Variants in FAM227A observed in about 807,000 individuals in gnomAD.
FAM227A encodes the protein protein FAM227A.
In FAM227A, 80 loss-of-function variants were observed where a neutral mutation model predicts 74.7. That is an observed-to-expected ratio of 1.07 (90% CI 0.89 to 1.29). The LOEUF (loss-of-function observed/expected upper bound fraction) is 1.29. Among genes scored for constraint, FAM227A ranks in the 50% most tolerant of loss-of-function variants. The pLI is 0.00. For missense variants in FAM227A, 654 were observed against 683.4 expected (o/e 0.96, Z 0.48); for synonymous variants, 237 against 241.8 (o/e 0.98, Z 0.19).
intron 10 of FAM227A, among the ~76,000 whole-genome samples, chr22:38,620,822 A>T (rs1435075856): frequency 6.6e-6 from 1 of 151,692 alleles, no homozygotes; most frequent in Non-Finnish European, 1.5e-5. Flanking sequence ...AAAAAAAAGA[A>T]AAAAAAAGTA....
chr22:38,617,125 C>A (rs569501324), intron 11 of FAM227A, among the ~76,000 whole-genome samples: 1 of 152,022 alleles, frequency 6.6e-6, no homozygotes, highest in Admixed American at 6.6e-5. Context: ...TGCGGCCAGG[C>A]AGCACTGAGT....
Position 38,636,589 on chromosome 22 carries a change from T to C in FAM227A, c.381A>G (p.Ala127=). The C allele has an allele frequency of 6.4e-7, 1 of 1,550,942 alleles. No homozygotes were observed. The highest frequency in any genetic ancestry group is 8.7e-7 in the Non-Finnish European group (1 of 1,146,784). Residue 127 remains alanine (A), a synonymous_variant, in exon 6 of 17, where the codon GCA becomes GCG. Coordinates refer to ENST00000535113, the MANE Select transcript of FAM227A (RefSeq NM_001013647.2). ...ARSSVIKRKT[A]DKNLLAELYQ... is the part of the protein sequence containing the mutation. ...ACAGCTCTGCCAGCAGATTTTTATC[T>C]GCTGTTTTCTGAAGCAAAAGAGCAG...
chr22:38,639,437 G>A (rs2092068905), intron 4 of FAM227A, among the ~76,000 whole-genome samples: 1 of 150,912 alleles, frequency 6.6e-6, no homozygotes, highest in Non-Finnish European at 1.5e-5. Flanking sequence ...CCAAGGGAAT[G>A]TGGATAAAAG....
chr22:38,650,970 T>C (rs1300172883), intron 1 of FAM227A, among the ~76,000 whole-genome samples: 2 of 152,148 alleles, frequency 1.3e-5, no homozygotes, highest in Admixed American at 6.6e-5. Context: ...AGAGAAAACG[T>C]TGAGTTTGGT....
In FAM227A at chr22:38,650,180, T is replaced by C. The variant is rs374368656; in HGVS notation, c.-12A>G. On this transcript the variant is annotated 5_prime_UTR_variant, in exon 2 of 17. Transcript: ENST00000535113. ...CTGAAGTGATTCATTGTCCAATTTC[T>C]TGTAAATGGACAAACAAAAAGCTTC... The C allele has an allele frequency of 1.5e-4, 235 of 1,550,910 alleles. No individual in the cohort carries two copies. The African/African-American group carries it at 2.8e-3, about 19-fold the overall frequency.
In FAM227A at chr22:38,578,118, T is replaced by C. The variant is rs185243653; in HGVS notation, c.*8007A>G. On this transcript the variant is annotated 3_prime_UTR_variant, in exon 17 of 17. Transcript: ENST00000535113. ...ATTAAATAATGAAATAAATAAAACATAAACCAGTAACAGTCATTTATTACC... is the reference window on the plus strand; with the variant it reads ...ATTAAATAATGAAATAAATAAAACACAAACCAGTAACAGTCATTTATTACC... 2 of 152,138 alleles carry C rather than the reference T, an allele frequency of 1.3e-5. No homozygotes were observed. The highest frequency in any genetic ancestry group is 4.8e-5 in the African/African-American group (2 of 41,484). The allele number at this position is 152,138 out of a possible 1,614,324, so 9.4% of individuals were successfully genotyped here.
intron 5 of FAM227A, among the ~76,000 whole-genome samples, chr22:38,637,915 C>A (rs2097164317): frequency 6.6e-6 from 1 of 152,124 alleles, no homozygotes; most frequent in Admixed American, 6.5e-5. Flanking sequence ...ACCTGTAATC[C>A]CAGCACTTTG....
Position 38,623,236 on chromosome 22 carries a change from C to T in FAM227A, c.894G>A (p.Ser298=), listed in dbSNP as rs186386802. 5.1e-4 allele frequency: 785 copies of T among 1,551,542 alleles called. 2 individuals are homozygous for T. In the African/African-American group the frequency reaches 9.4e-3, roughly 18 times the overall value. ...SPQSYDSWDY[S]ELDPERFRRE... ...TGCGGAATCGCTCTGGGTCTAGTTC[C>T]GAGTAGTCCCAGCTGTCATAGCTCT... The change falls in exon 10 of 17, where the codon TCG becomes TCA. Residue 298 remains serine, a synonymous_variant. Transcript: ENST00000535113.
chr22:38,611,765 G>T (rs2091418887), intron 11 of FAM227A, among the ~76,000 whole-genome samples: 1 of 152,090 alleles, frequency 6.6e-6, no homozygotes, highest in Non-Finnish European at 1.5e-5. Context: ...TTTGGCTTGG[G>T]TAGAAATTGT....
chr22:38,625,898 G>A (rs1347409978), intron 9 of FAM227A, among the ~76,000 whole-genome samples: 2 of 143,272 alleles, frequency 1.4e-5, no homozygotes, highest in South Asian at 2.2e-4. Flanking sequence ...AGCCCAGATC[G>A]CACCATTGCA....
chr22:38,621,560 G>C (rs1450308821), intron 10 of FAM227A, among the ~76,000 whole-genome samples: 1 of 150,526 alleles, frequency 6.6e-6, no homozygotes, highest in Non-Finnish European at 1.5e-5. Flanking sequence ...AGCTGAGATT[G>C]CGCCATTGCA....
At chr22:38,642,014 G>C (rs574571183) in intron 3 of FAM227A, among the ~76,000 whole-genome samples, 3 of 152,156 alleles carry the variant, frequency 2.0e-5, no homozygotes, top group East Asian at 1.9e-4. Flanking sequence ...AATTATTGAA[G>C]GGTTTGTATT....
At chr22:38,625,499 G>A (rs1195208851) in intron 9 of FAM227A, among the ~76,000 whole-genome samples, 2 of 152,084 alleles carry the variant, frequency 1.3e-5, no homozygotes, top group Non-Finnish European at 2.9e-5. Flanking sequence ...GGGTAGAAGG[G>A]TGGGATGATC....
At chr22:38,592,824 T>G (rs186508019) in intron 15 of FAM227A, among the ~76,000 whole-genome samples, 1 of 152,334 alleles carries the variant, frequency 6.6e-6, no homozygotes, top group Non-Finnish European at 1.5e-5. Flanking sequence ...GGCCTAGTTC[T>G]GAGAAAAGTC....
chr22:38,609,999 C>T (rs2091377839), intron 11 of FAM227A, among the ~76,000 whole-genome samples: 2 of 152,152 alleles, frequency 1.3e-5, no homozygotes, highest in African/African-American at 2.4e-5. Context: ...TCTCGAACTC[C>T]TGACCTCAGG....
chr22:38,650,018 G>A lies in FAM227A; in HGVS notation c.142+9C>T. 1 of 1,552,090 alleles carries A rather than the reference G, an allele frequency of 6.4e-7. No homozygotes were observed. Among genetic ancestry groups the A allele is most frequent in the Non-Finnish European group, 8.7e-7 (1 of 1,147,008 alleles). On this transcript the variant is annotated intron_variant, in intron 2 of 16. Transcript: ENST00000535113. ...GGTCTGATTGTAGGTGACATCACCAGAAGGATACAGGGTGGATTGTTCTCT... is the reference window on the plus strand; with the variant it reads ...GGTCTGATTGTAGGTGACATCACCAAAAGGATACAGGGTGGATTGTTCTCT...
At chr22:38,619,411 C>T (rs1258056787) in intron 11 of FAM227A, among the ~76,000 whole-genome samples, 1 of 152,150 alleles carries the variant, frequency 6.6e-6, no homozygotes, top group Non-Finnish European at 1.5e-5. Flanking sequence ...GCAACCTCTG[C>T]CTCCCGGGTT....
intron 3 of FAM227A, among the ~76,000 whole-genome samples, 195 bp from the exon 4 acceptor site, chr22:38,639,919 ACT>A (rs1373367606): frequency 6.6e-6 from 1 of 152,106 alleles, no homozygotes; most frequent in African/African-American, 2.4e-5. Context: ...GAGTGTCCCC[ACT>A]GTCTCACACT....
intron 11 of FAM227A, among the ~76,000 whole-genome samples, chr22:38,611,583 T>A (rs958260971): frequency 5.3e-5 from 8 of 152,144 alleles, no homozygotes; most frequent in Non-Finnish European, 7.3e-5. Context: ...GCGATGCCCA[T>A]TTTGTGGATA....
Sources: gnomAD v4.1 joint callset for allele counts (sites outside exome capture counted in the v4.1 genomes callset) on GRCh38, gnomAD v4.1.1 for gene constraint, MANE v1.5 for transcripts, NCBI Gene and HGNC (gene_info 2026-07-23, HGNC 2026-07-21) for gene names.